The following SMC4 variants were observed in gnomAD, a reference collection of about 807,000 sequenced individuals.
The protein encoded by SMC4 is structural maintenance of chromosomes protein 4.
A neutral mutation model predicts 145.6 loss-of-function variants in SMC4; 87 were observed. The observed-to-expected ratio is 0.60, with a 90% confidence interval of 0.50 to 0.71. SMC4 has a LOEUF of 0.71. Ranked by LOEUF, SMC4 falls within the 30% of genes least tolerant of loss-of-function variation. The probability of loss-of-function intolerance (pLI) is 0.00; values close to 1 mark genes in which losing one functional copy is unlikely to be tolerated. For synonymous variants in SMC4, 558 were observed against 500.7 expected (o/e 1.11, Z -1.53); for missense variants, 1,447 against 1,537.1 (o/e 0.94, Z 0.98).
At chr3:160,428,312 A>T (rs1312415130) in intron 17 of SMC4, among the ~76,000 whole-genome samples, 2 of 152,240 alleles carry the variant, frequency 1.3e-5, no homozygotes, top group African/African-American at 4.8e-5. Flanking sequence ...AATTCATCTT[A>T]TATCCTCCAC....
At chr3:160,417,591 G>T in intron 10 of SMC4, 132 bp from the exon 11 acceptor site, 1 of 738,162 alleles carries the variant, frequency 1.4e-6, no homozygotes, top group Non-Finnish European at 2.2e-6. Flanking sequence ...CCACTTGTGA[G>T]AATTTCTTAT....
At chr3:160,409,023 TTGGGAGGCCCAGACGGGCGG>T (rs1715658218) in intron 5 of SMC4, among the ~76,000 whole-genome samples, 1 of 151,892 alleles carries the variant, frequency 6.6e-6, no homozygotes, top group South Asian at 2.1e-4. Flanking sequence ...TCCCAGCACT[TTGGGAGGCCCAGACGGGCGG>T]ATCACGAGGT....
Position 160,412,294 on chromosome 3 carries a change from G to GT in SMC4, c.853-31dup, listed in dbSNP as rs1274450769. On this transcript the variant is annotated intron_variant, in intron 6 of 23. Transcript: ENST00000357388. ...AGTTCATATTGTACATATGAAGTGTGTATTCAGTCTTTAAACTTTTAATTT... is the reference window on the plus strand; with the variant it reads ...AGTTCATATTGTACATATGAAGTGTGTTATTCAGTCTTTAAACTTTTAATTT... 1.9e-6 allele frequency: 3 copies of GT among 1,564,564 alleles called. No individual in the cohort carries two copies. The African/African-American group carries it at 4.1e-5, about 21-fold the overall frequency.
chr3:160,414,448 A>G lies in SMC4; in HGVS notation c.1203A>G (p.Arg401=). The change falls in exon 9 of 24, where the codon AGA becomes AGG. Residue 401 remains arginine, a synonymous_variant. Coordinates refer to ENST00000357388, the MANE Select transcript of SMC4 (RefSeq NM_001002800.3). Reference sequence around the variant, plus strand: ...TAGATTTGGAAGATGTTCAAGTTAGAGAAAAGTTAAAACATGCCACGAGTA... The same window carrying G: ...TAGATTTGGAAGATGTTCAAGTTAGGGAAAAGTTAAAACATGCCACGAGTA... ...TQLDLEDVQV[R]EKLKHATSKA... is the part of the protein sequence containing the mutation. 4 of 1,611,194 alleles carry G rather than the reference A, an allele frequency of 2.5e-6. No individual in the cohort carries two copies. Among genetic ancestry groups the G allele is most frequent in the Non-Finnish European group, 3.4e-6 (4 of 1,179,228 alleles).
At chr3:160,422,502 T>A (rs1474487191) in intron 13 of SMC4, among the ~76,000 whole-genome samples, 1 of 152,240 alleles carries the variant, frequency 6.6e-6, no homozygotes, top group African/African-American at 2.4e-5. Flanking sequence ...TGGAGAAATG[T>A]CTGTTTCAAA....
Position 160,413,411 on chromosome 3 carries a change from T to A in SMC4, c.981-62T>A, listed in dbSNP as rs138042409. ...ACAGTTAGTTTTACTAAAATTGTTATACAGTTTTGGAAATGGCATTTTAGG... is the reference window on the plus strand; with the variant it reads ...ACAGTTAGTTTTACTAAAATTGTTAAACAGTTTTGGAAATGGCATTTTAGG... On this transcript the variant is annotated intron_variant, in intron 7 of 23. Coordinates refer to ENST00000357388, the MANE Select transcript of SMC4 (RefSeq NM_001002800.3). The A allele has an allele frequency of 4.9e-3, 7,242 of 1,477,234 alleles. 23 individuals are homozygous for A. Among genetic ancestry groups the A allele is most frequent in the Non-Finnish European group, 6.0e-3 (6,552 of 1,093,274 alleles). The allele number at this position is 1,477,234 out of a possible 1,614,324, so 91.5% of individuals were successfully genotyped here.
At position 160,425,022 on chromosome 3, in the gene SMC4, A is replaced by ATGTATGTGTG; in HGVS notation, c.2478+6_2478+7insATGTGTGTGT. ...AAAAATTTACTGCAAGCATCCAGGT[A>ATGTATGTGTG]TGTGTGTGTGTGTGTGTGTGTGTGT... is the stretch of plus-strand genomic sequence containing the variant. On this transcript the variant is annotated splice_donor_region_variant and intron_variant, in intron 16 of 23. Coordinates refer to ENST00000357388, the MANE Select transcript of SMC4 (RefSeq NM_001002800.3). 1 of 1,468,122 alleles carries ATGTATGTGTG rather than the reference A, an allele frequency of 6.8e-7. No homozygotes were observed. Among genetic ancestry groups the ATGTATGTGTG allele is most frequent in the Non-Finnish European group, 9.2e-7 (1 of 1,090,112 alleles). The allele number at this position is 1,468,122 out of a possible 1,614,324, so 90.9% of individuals were successfully genotyped here.
At chr3:160,426,884 A>AAC in intron 17 of SMC4, among the ~76,000 whole-genome samples, 1 of 152,302 alleles carries the variant, frequency 6.6e-6, no homozygotes, top group East Asian at 1.9e-4. Flanking sequence ...GACTCCAGCA[A>AAC]ACACAGCAAG....
rs1718520955 is a variant in SMC4, at chr3:160,432,527, T to C, written c.3530+12T>C. The stretch of plus-strand genomic sequence containing the variant: ...GGAATCATGTTCAGGTGTGTAATTA[T>C]GCTGAGTTTATAATCCCACTGTTAC... On this transcript the variant is annotated intron_variant, in intron 22 of 23. Transcript: ENST00000357388. 4 of 1,498,148 alleles carry C rather than the reference T, an allele frequency of 2.7e-6. No individual in the cohort carries two copies. The highest frequency in any genetic ancestry group is 3.6e-6 in the Non-Finnish European group (4 of 1,098,202). The allele number at this position is 1,498,148 out of a possible 1,614,324, so 92.8% of individuals were successfully genotyped here.
At position 160,419,462 on chromosome 3, in the gene SMC4, G is replaced by A; in HGVS notation, c.1776G>A (p.Met592Ile). 6.2e-7 allele frequency: 1 copy of A among 1,611,712 alleles called. No homozygotes were observed. The highest frequency in any genetic ancestry group is 8.5e-7 in the Non-Finnish European group (1 of 1,179,438). ...AAGAAGCAAAGAGCTCATTAGCAAT[G>A]AATCGAAGTAGGGGGAAAGTCCTTG... The part of the protein sequence containing the change: ...KVEEAKSSLA[M>I]NRSRGKVLDA... Residue 592 changes from methionine to isoleucine, a missense_variant, in exon 12 of 24, where the codon ATG becomes ATA. Physicochemically the swap from Met to Ile is conservative, Grantham distance 10. Coordinates refer to ENST00000357388, the MANE Select transcript of SMC4 (RefSeq NM_001002800.3).
chr3:160,411,825 C>T (rs1477197020), intron 5 of SMC4, 95 bp from the exon 6 acceptor site: 2 of 965,202 alleles, frequency 2.1e-6, no homozygotes, highest in Non-Finnish European at 3.1e-6. Flanking sequence ...ATGTTTATTA[C>T]TCTTGGCTTT....
chr3:160,412,536 A>G (rs528953972), intron 7 of SMC4, 83 bp downstream of exon 7: 9 of 1,450,946 alleles, frequency 6.2e-6, no homozygotes, highest in South Asian at 2.9e-5. Context: ...CTAGAGAAAC[A>G]TGAAGACTGA....
At chr3:160,432,686 ACAGC>A (rs981979659) in intron 22 of SMC4, 171 bp downstream of exon 22, 1 of 546,016 alleles carries the variant, frequency 1.8e-6, no homozygotes, top group Non-Finnish European at 3.2e-6. Context: ...ACAGGGGCAG[ACAGC>A]CAGTATTTAC....
In SMC4 at chr3:160,426,067, T is replaced by C. The variant is rs1454261996; in HGVS notation, c.2479-7T>C. 8 of 1,576,246 alleles carry C rather than the reference T, an allele frequency of 5.1e-6. No individual in the cohort carries two copies. Among genetic ancestry groups the C allele is most frequent in the Non-Finnish European group, 6.9e-6 (8 of 1,164,930 alleles). On this transcript the variant is annotated splice_region_variant and splice_polypyrimidine_tract_variant and intron_variant, in intron 16 of 23. Transcript: ENST00000357388. ...TATTGACCTTAAATGTTAAAACTTT[T>C]TTGTAGCGTTTAATAGAGCAAGAAG...
In SMC4 at chr3:160,425,387, A is replaced by C. The variant is rs140429492; in HGVS notation, c.2478+368A>C. Among the ~76,000 whole-genome samples, 539 of 152,250 alleles carry C rather than the reference A, an allele frequency of 3.5e-3. 2 individuals carry two copies. The highest frequency in any genetic ancestry group is 0.012 in the African/African-American group (506 of 41,540). Reference sequence around the variant, plus strand: ...TAAGTTTCCAGAAAATACCCAAATGATCACCTTCATTTTGACGTATGTTCT... The same window carrying C: ...TAAGTTTCCAGAAAATACCCAAATGCTCACCTTCATTTTGACGTATGTTCT... On this transcript the variant is annotated intron_variant, in intron 16 of 23. Coordinates refer to ENST00000357388, the MANE Select transcript of SMC4 (RefSeq NM_001002800.3).
rs1176433910 is a variant in SMC4, at chr3:160,423,608, T to C, written c.2203T>C (p.Trp735Arg). 3.1e-6 allele frequency: 5 copies of C among 1,613,460 alleles called. No individual in the cohort carries two copies. The African/African-American group carries it at 5.3e-5, about 17-fold the overall frequency. ...TRVAYQKDRR[W>R]RVVTLQGQII... ...AGTAGCATATCAAAAAGATAGAAGATGGAGAGTGGTAACTTTACAGGGACA... is the reference window on the plus strand; with the variant it reads ...AGTAGCATATCAAAAAGATAGAAGACGGAGAGTGGTAACTTTACAGGGACA... The change falls in exon 14 of 24, where the codon TGG (tryptophan) becomes CGG (arginine). Residue 735 changes from tryptophan (W) to arginine (R), a missense_variant. By Grantham distance (101) the Trp-to-Arg change is moderately radical. Transcript: ENST00000357388.
Position 160,400,905 on chromosome 3 carries a change from A to T in SMC4, c.79A>T (p.Ser27Cys). Residue 27 changes from serine to cysteine, a missense_variant, in exon 2 of 24, where the codon AGC (serine) becomes TGC (cysteine). Ser to Cys is a moderately radical substitution (Grantham distance 112). Coordinates refer to ENST00000357388, the MANE Select transcript of SMC4 (RefSeq NM_001002800.3). Reference protein sequence around the residue: ...GPPPPSPDGASSDAEPEPPSG... With the variant: ...GPPPPSPDGACSDAEPEPPSG... ...GCCGCCGCCGTCCCCTGACGGCGCC[A>T]GCAGCGACGCGGAGCCTGAGCCGCC... The T allele has an allele frequency of 1.3e-6, 2 of 1,498,418 alleles. No individual in the cohort carries two copies. Among genetic ancestry groups the T allele is most frequent in the Non-Finnish European group, 1.8e-6 (2 of 1,132,660 alleles). 92.8% of individuals were successfully genotyped at this position (1,498,418 alleles called of 1,614,324 possible).
chr3:160,412,937 A>T, intron 7 of SMC4: 1 of 391,926 alleles, frequency 2.6e-6, no homozygotes, highest in Non-Finnish European at 3.5e-6. Context: ...GATTTTTTTC[A>T]GCTTATGATG....
At chr3:160,418,898 G>A (rs888965061) in intron 11 of SMC4, among the ~76,000 whole-genome samples, 31 of 151,990 alleles carry the variant, frequency 2.0e-4, no homozygotes, top group African/African-American at 7.5e-4. Flanking sequence ...GTCATCTTTC[G>A]TTTCAGAGGT....
Sources: allele counts gnomAD v4.1 joint callset (sites outside exome capture counted in the v4.1 genomes callset), GRCh38; gene constraint gnomAD v4.1.1; transcripts MANE v1.5; gene names NCBI Gene and HGNC (gene_info 2026-07-23, HGNC 2026-07-21).